Variants in HLCS observed in about 807,000 individuals in gnomAD.
The protein encoded by HLCS is holocarboxylase synthetase.
A neutral mutation model predicts 75.0 loss-of-function variants in HLCS; 53 were observed. The ratio of observed to expected loss-of-function variants is 0.71; its 90% CI spans 0.57 to 0.89. The LOEUF is 0.89. Among genes scored for constraint, HLCS ranks in the 40% least tolerant of loss-of-function variants. The pLI, the probability that HLCS is intolerant of heterozygous loss-of-function variation, is 0.00. For synonymous variants in HLCS, 431 were observed against 428.6 expected (o/e 1.01, Z -0.07); for missense variants, 966 against 1,074.0 (o/e 0.90, Z 1.41).
intron 6 of HLCS, among the ~76,000 whole-genome samples, chr21:36,869,362 G>A (rs557948339): frequency 6.6e-6 from 1 of 152,232 alleles, no homozygotes; most frequent in African/African-American, 2.4e-5. Flanking sequence ...TCGATCTCCT[G>A]ACCTCGTGAT....
chr21:36,968,446 T>C (rs950432878), upstream of HLCS: 1 of 151,886 alleles, frequency 6.6e-6, no homozygotes, highest in Non-Finnish European at 1.5e-5. Context: ...AGAGAGAAAA[T>C]CCAAAAAGAA....
At chr21:36,986,554 G>A (rs1325776673) in intron 1 of HLCS, among the ~76,000 whole-genome samples, 6 of 152,184 alleles carry the variant, frequency 3.9e-5, no homozygotes, top group African/African-American at 1.4e-4. Context: ...GAGTAGCTGG[G>A]ATTACAGGCA....
intron 6 of HLCS, among the ~76,000 whole-genome samples, chr21:36,888,788 C>T (rs1601637733): frequency 6.6e-6 from 1 of 152,126 alleles, no homozygotes; most frequent in Non-Finnish European, 1.5e-5. Context: ...GGAGGAGAGA[C>T]TGTCAAGGTC....
At chr21:36,979,113 CA>C (rs910229010) in intron 1 of HLCS, among the ~76,000 whole-genome samples, 10 of 150,048 alleles carry the variant, frequency 6.7e-5, no homozygotes, top group African/African-American at 9.8e-5. Context: ...ACTAAAAATT[CA>C]AAAAAAAATT....
chr21:36,926,152 A>C (rs1417357763), intron 5 of HLCS, among the ~76,000 whole-genome samples: 3 of 152,188 alleles, frequency 2.0e-5, no homozygotes, highest in Non-Finnish European at 4.4e-5. Flanking sequence ...GAAGCCATGG[A>C]GAGGTCCCCA....
At chr21:36,881,422 C>G (rs1441615514) in intron 6 of HLCS, among the ~76,000 whole-genome samples, 1 of 152,208 alleles carries the variant, frequency 6.6e-6, no homozygotes, top group Non-Finnish European at 1.5e-5. Context: ...CAGAAGGAAA[C>G]TCCAATTACT....
upstream of HLCS, among the ~76,000 whole-genome samples, chr21:36,967,475 A>T (rs189177195): frequency 4.6e-5 from 7 of 152,294 alleles, no homozygotes; most frequent in East Asian, 1.3e-3. Context: ...TGGGAAAAGG[A>T]AAACATCACC....
chr21:36,921,786 A>G (rs938012883), intron 5 of HLCS, among the ~76,000 whole-genome samples: 2 of 152,270 alleles, frequency 1.3e-5, no homozygotes, highest in Non-Finnish European at 2.9e-5. Flanking sequence ...GACCCACCAG[A>G]GACACAAACA....
chr21:36,887,298 G>C (rs1282775905), intron 6 of HLCS, among the ~76,000 whole-genome samples: 1 of 152,024 alleles, frequency 6.6e-6, no homozygotes, highest in Non-Finnish European at 1.5e-5. Flanking sequence ...GAATGATGAA[G>C]ACATCAACAT....
intron 4 of HLCS, among the ~76,000 whole-genome samples, chr21:36,932,036 G>A (rs2066671050): frequency 6.6e-6 from 1 of 152,178 alleles, no homozygotes; most frequent in Non-Finnish European, 1.5e-5. Context: ...AGTGTGCCCT[G>A]TGATGGGAGG....
intron 6 of HLCS, among the ~76,000 whole-genome samples, chr21:36,778,220 C>T (rs1415029617): frequency 1.3e-5 from 2 of 152,152 alleles, no homozygotes; most frequent in Non-Finnish European, 1.5e-5. Flanking sequence ...CCGCCCACCT[C>T]TGCCTCCCAA....
chr21:36,973,015 T>C (rs1166238883), intron 1 of HLCS, among the ~76,000 whole-genome samples: 1 of 151,586 alleles, frequency 6.6e-6, no homozygotes, highest in Non-Finnish European at 1.5e-5. Flanking sequence ...CAGAAGTTCA[T>C]GACCAGCGTG....
At chr21:36,952,741 A>T (rs2067728055) in intron 2 of HLCS, among the ~76,000 whole-genome samples, 1 of 146,380 alleles carries the variant, frequency 6.8e-6, no homozygotes, top group Admixed American at 7.0e-5. Flanking sequence ...CAGTGAGCTG[A>T]GATCGTGCCA....
intron 1 of HLCS, among the ~76,000 whole-genome samples, chr21:36,989,552 C>T (rs2069300778): frequency 6.6e-6 from 1 of 152,124 alleles, no homozygotes; most frequent in Non-Finnish European, 1.5e-5. Flanking sequence ...TGGTCTCGAA[C>T]TCCTGACCTC....
Position 36,751,324 on chromosome 21 carries a change from A to C in HLCS, c.*2922T>G, listed in dbSNP as rs1404109657. 1.3e-5 allele frequency: 2 copies of C among 152,692 alleles called. No homozygotes were observed. Among genetic ancestry groups the C allele is most frequent in the African/African-American group, 2.4e-5 (1 of 41,468 alleles). The allele number at this position is 152,692 out of a possible 1,614,324, so 9.5% of individuals were successfully genotyped here. A position where few individuals can be genotyped will look rare whatever the true frequency, so the allele number is the denominator to read the frequency against. ...ACGCTTTCTTTTATTTCAAATATGCATAGTGATTAACCAGGAATAAGGATT... is the reference window on the plus strand; with the variant it reads ...ACGCTTTCTTTTATTTCAAATATGCCTAGTGATTAACCAGGAATAAGGATT... On this transcript the variant is annotated 3_prime_UTR_variant, in exon 11 of 11. Transcript: ENST00000674895.
chr21:36,777,493 G>A (rs551835325), intron 6 of HLCS, among the ~76,000 whole-genome samples: 5 of 152,368 alleles, frequency 3.3e-5, no homozygotes, highest in African/African-American at 7.2e-5. Flanking sequence ...TGTGTCCATT[G>A]TCCTAGTAAT....
chr21:36,856,587 A>G (rs2063201594), intron 6 of HLCS, among the ~76,000 whole-genome samples: 1 of 152,210 alleles, frequency 6.6e-6, no homozygotes, highest in South Asian at 2.1e-4. Context: ...GACCCAATTA[A>G]CACACTAAGA....
chr21:36,806,780 A>G (rs2061374088), intron 6 of HLCS, among the ~76,000 whole-genome samples: 1 of 152,194 alleles, frequency 6.6e-6, no homozygotes, highest in African/African-American at 2.4e-5. Context: ...AAGCAGCCCG[A>G]GACAACTTAA....
rs1321390022 is a variant in HLCS at position 36,754,220 on chromosome 21, C to G, written c.*26G>C. Reference sequence around the variant, plus strand: ...TTCCAGATGCATGGGCACGGACAGGCAGCCGCGTCTCGGGGACGCCCGGCA... The same window carrying G: ...TTCCAGATGCATGGGCACGGACAGGGAGCCGCGTCTCGGGGACGCCCGGCA... On this transcript the variant is annotated 3_prime_UTR_variant, in exon 11 of 11. Coordinates refer to ENST00000674895, the MANE Select transcript of HLCS (RefSeq NM_001352514.2). 6.2e-7 allele frequency: 1 copy of G among 1,611,862 alleles called. No homozygotes were observed. The highest frequency in any genetic ancestry group is 8.5e-7 in the Non-Finnish European group (1 of 1,178,988).
Sources: gnomAD v4.1 joint callset for allele counts (sites outside exome capture counted in the v4.1 genomes callset) on GRCh38, gnomAD v4.1.1 for gene constraint, MANE v1.5 for transcripts, NCBI Gene and HGNC (gene_info 2026-07-23, HGNC 2026-07-21) for gene names.